PTCHD4: variants seen among roughly 807,000 people sequenced by gnomAD.
PTCHD4 encodes the protein patched domain-containing protein 4.
In PTCHD4, 33 loss-of-function variants were observed where a neutral mutation model predicts 58.1. The ratio of observed to expected loss-of-function variants is 0.57; its 90% CI spans 0.43 to 0.76. The LOEUF (loss-of-function observed/expected upper bound fraction) is 0.76. Among genes scored for constraint, PTCHD4 ranks in the 30% least tolerant of loss-of-function variants. The probability of loss-of-function intolerance (pLI) is 0.00; values close to 1 mark genes in which losing one functional copy is unlikely to be tolerated. For synonymous variants in PTCHD4, 478 were observed against 409.6 expected, an observed-to-expected ratio of 1.17 and a Z score of -2.02; for missense variants, 1,058 against 1,027.1, an observed-to-expected ratio of 1.03 and a Z score of -0.41.
intron 1 of PTCHD4, among the ~76,000 whole-genome samples, chr6:48,072,329 T>C (rs1764991139): frequency 6.6e-6 from 1 of 152,234 alleles, no homozygotes; most frequent in African/African-American, 2.4e-5. Context: ...TACTTTGGGC[T>C]ATAATTTGAA....
At chr6:47,966,770 A>G (rs1767312132) in intron 4 of PTCHD4, among the ~76,000 whole-genome samples, 1 of 152,208 alleles carries the variant, frequency 6.6e-6, no homozygotes, top group African/African-American at 2.4e-5. Flanking sequence ...GCAACTCCTC[A>G]TCTGTTGAAT....
chr6:47,943,403 C>A (rs2113929468), intron 4 of PTCHD4, among the ~76,000 whole-genome samples: 1 of 152,032 alleles, frequency 6.6e-6, no homozygotes, highest in Non-Finnish European at 1.5e-5. Flanking sequence ...AGATGAATAC[C>A]TACTAGGGAT....
At chr6:47,988,545 A>G (rs1368114370) in intron 4 of PTCHD4, among the ~76,000 whole-genome samples, 1 of 152,154 alleles carries the variant, frequency 6.6e-6, no homozygotes, top group African/African-American at 2.4e-5. Flanking sequence ...TAGTACTCCC[A>G]TAATTCCCAT....
rs1324084373 is a variant in PTCHD4, at chr6:48,037,706, G to C, written c.418-28592C>G. 2.0e-5 allele frequency among the ~76,000 whole-genome samples: 3 copies of C among 152,074 alleles called. No homozygotes were observed. In the East Asian group the frequency reaches 5.8e-4, roughly 29 times the overall value. On this transcript the variant is annotated intron_variant, in intron 3 of 4. Transcript: ENST00000339488. ...AAACATCACTCAGACTATGTAAACAGAAGTAATTCCATCGAGGGAAGAAAA... is the reference window on the plus strand; with the variant it reads ...AAACATCACTCAGACTATGTAAACACAAGTAATTCCATCGAGGGAAGAAAA...
intron 4 of PTCHD4, among the ~76,000 whole-genome samples, chr6:47,960,527 G>T (rs1561979122): frequency 2.0e-5 from 3 of 151,970 alleles, no homozygotes. Context: ...ATATCATGCT[G>T]ACGTGAACCA....
intron 4 of PTCHD4, among the ~76,000 whole-genome samples, chr6:47,918,603 G>A (rs1765333184): frequency 6.6e-6 from 1 of 152,138 alleles, no homozygotes; most frequent in African/African-American, 2.4e-5. Flanking sequence ...TCCAAATGCT[G>A]TAGCGGTCAT....
chr6:47,875,921 G>A lies in PTCHD4; in HGVS notation c.*2382C>T, dbSNP rs758051721. ...AAAATAGGTGAATGAGTGGAGCATG[G>A]CACACAATGGGAAGAAAAGGAGTGA... On this transcript the variant is annotated 3_prime_UTR_variant, in exon 5 of 5. Coordinates refer to ENST00000339488, the MANE Select transcript of PTCHD4 (RefSeq NM_001384253.1). Among the ~76,000 whole-genome samples the A allele has an allele frequency of 9.2e-5, 14 of 151,750 alleles. No homozygotes were observed. Among genetic ancestry groups the A allele is most frequent in the South Asian group, 4.2e-4 (2 of 4,818 alleles).
chr6:47,913,545 T>A (rs1765133864), intron 4 of PTCHD4, among the ~76,000 whole-genome samples: 1 of 152,120 alleles, frequency 6.6e-6, no homozygotes, highest in Non-Finnish European at 1.5e-5. Flanking sequence ...AACTAGTGCT[T>A]AATAAGATAA....
chr6:47,912,185 A>G (rs1765091155), intron 4 of PTCHD4, among the ~76,000 whole-genome samples: 1 of 152,116 alleles, frequency 6.6e-6, no homozygotes, highest in African/African-American at 2.4e-5. Flanking sequence ...AAGGCAGCAG[A>G]TCTGGAAAAC....
chr6:47,955,400 T>A (rs1766819925), intron 4 of PTCHD4, among the ~76,000 whole-genome samples: 1 of 152,122 alleles, frequency 6.6e-6, no homozygotes. Flanking sequence ...TGAGTCTGAT[T>A]TATAAAAGAG....
At chr6:48,100,714 T>G (rs762418965) in intron 1 of PTCHD4, among the ~76,000 whole-genome samples, 6 of 152,182 alleles carry the variant, frequency 3.9e-5, no homozygotes, top group Non-Finnish European at 8.8e-5. Context: ...AGCCCTGATA[T>G]TCTGTCGACA....
chr6:47,936,209 G>A (rs1581902900), intron 4 of PTCHD4, among the ~76,000 whole-genome samples: 1 of 152,282 alleles, frequency 6.6e-6, no homozygotes, highest in Non-Finnish European at 1.5e-5. Flanking sequence ...TTGGACTAGG[G>A]CAGTGTTGGT....
chr6:48,081,316 C>T (rs1428435348), intron 1 of PTCHD4, among the ~76,000 whole-genome samples: 1 of 152,218 alleles, frequency 6.6e-6, no homozygotes, highest in African/African-American at 2.4e-5. Flanking sequence ...GCAAGACTGA[C>T]ATTTCTGCTC....
chr6:48,050,210 C>T (rs772545286), intron 3 of PTCHD4, among the ~76,000 whole-genome samples: 1 of 151,808 alleles, frequency 6.6e-6, no homozygotes, highest in Non-Finnish European at 1.5e-5. Flanking sequence ...AGAAAAGTGG[C>T]AGAAATTCGA....
rs1561934902 is a variant in PTCHD4, at chr6:47,878,693, G to T, written c.2142C>A (p.Cys714Ter). 1 of 1,613,490 alleles carries T rather than the reference G, an allele frequency of 6.2e-7. No individual in the cohort carries two copies. The highest frequency in any genetic ancestry group is 1.1e-5 in the South Asian group (1 of 91,066). ...NVDMDCISIL[C>*]LIYTLNFAID... The stretch of plus-strand genomic sequence containing the variant: ...TGGCGAAATTCAAGGTGTAGATAAG[G>T]CACAAGATAGAAATGCAATCCATGT... Residue 714 changes from cysteine (C) to a stop codon, truncating the protein, a stop_gained, in exon 5 of 5, where the codon TGC becomes TGA. Transcript: ENST00000339488. LOFTEE classifies it high-confidence loss of function.
At chr6:47,989,249 T>C (rs1333894948) in intron 4 of PTCHD4, among the ~76,000 whole-genome samples, 1 of 152,208 alleles carries the variant, frequency 6.6e-6, no homozygotes, top group Non-Finnish European at 1.5e-5. Context: ...TTGAGTGTTG[T>C]TAAAGGCATT....
chr6:48,047,590 C>G (rs1359598109), intron 3 of PTCHD4, among the ~76,000 whole-genome samples: 1 of 151,744 alleles, frequency 6.6e-6, no homozygotes, highest in African/African-American at 2.4e-5. Flanking sequence ...TTTATCTCTC[C>G]CCAAAATTAG....
intron 1 of PTCHD4, among the ~76,000 whole-genome samples, chr6:48,109,199 A>G (rs537821220): frequency 1.3e-5 from 2 of 152,086 alleles, no homozygotes; most frequent in Non-Finnish European, 2.9e-5. Context: ...TTGTCTAATA[A>G]TTCTTTTTAT....
At chr6:48,096,183 G>C (rs766956707) in intron 1 of PTCHD4, among the ~76,000 whole-genome samples, 2 of 152,168 alleles carry the variant, frequency 1.3e-5, no homozygotes, top group Non-Finnish European at 2.9e-5. Context: ...GAGGGTGGAG[G>C]AAGTGACATT....
Sources: allele counts gnomAD v4.1 joint callset (sites outside exome capture counted in the v4.1 genomes callset), GRCh38; gene constraint gnomAD v4.1.1; transcripts MANE v1.5; gene names NCBI Gene and HGNC (gene_info 2026-07-23, HGNC 2026-07-21).